The following ASIC2 variants were observed in gnomAD, a reference collection of about 807,000 sequenced individuals.
ASIC2 encodes the protein acid sensing ion channel subunit 2.
ASIC2 carries 25 observed loss-of-function variants against 57.3 expected under a neutral mutation model. The observed-to-expected ratio is 0.44, with a 90% confidence interval of 0.32 to 0.61. The LOEUF (loss-of-function observed/expected upper bound fraction) is 0.61, where lower values mean the gene tolerates loss of function less well. Among genes scored for constraint, ASIC2 ranks in the 20% least tolerant of loss-of-function variants. The pLI, the probability that ASIC2 is intolerant of heterozygous loss-of-function variation, is 0.06. For missense variants in ASIC2, 641 were observed against 738.1 expected (o/e 0.87, Z 1.52); for synonymous variants, 319 against 307.5 (o/e 1.04, Z -0.39).
intron 1 of ASIC2, among the ~76,000 whole-genome samples, chr17:34,035,517 C>A (rs1235229502): frequency 6.0e-5 from 9 of 150,768 alleles, no homozygotes; most frequent in African/African-American, 1.7e-4. Context: ...GCAACAAAAG[C>A]CAAAATTGAC....
At chr17:33,642,138 G>A (rs772065635) in intron 1 of ASIC2, among the ~76,000 whole-genome samples, 2 of 151,744 alleles carry the variant, frequency 1.3e-5, no homozygotes, top group East Asian at 1.9e-4. Flanking sequence ...CCAGGCCCAT[G>A]GCCCATAAAC....
chr17:33,782,070 T>C (rs746157214), intron 1 of ASIC2, among the ~76,000 whole-genome samples: 24 of 152,232 alleles, frequency 1.6e-4, no homozygotes, highest in Non-Finnish European at 3.5e-4. Context: ...AGAAGTTCTT[T>C]GTCTGATCGG....
chr17:33,889,670 G>A (rs928519413), intron 1 of ASIC2, among the ~76,000 whole-genome samples: 1 of 152,142 alleles, frequency 6.6e-6, no homozygotes, highest in Non-Finnish European at 1.5e-5. Context: ...GTTCACACCT[G>A]TCCTTAAAAT....
At chr17:33,146,124 G>C (rs937700688) in intron 1 of ASIC2, among the ~76,000 whole-genome samples, 10 of 152,176 alleles carry the variant, frequency 6.6e-5, no homozygotes, top group African/African-American at 2.4e-4. Context: ...TTTCATGACA[G>C]AGATGAGAAC....
chr17:34,137,754 C>T (rs1348066178), intron 1 of ASIC2, among the ~76,000 whole-genome samples: 1 of 152,130 alleles, frequency 6.6e-6, no homozygotes, highest in South Asian at 2.1e-4. Context: ...CTGGTGAAGG[C>T]TCGTTTCCTG....
chr17:34,030,400 C>T (rs143499276), intron 1 of ASIC2, among the ~76,000 whole-genome samples: 3 of 152,336 alleles, frequency 2.0e-5, no homozygotes, highest in East Asian at 1.9e-4. Flanking sequence ...TGAATAGGAA[C>T]AGCTCCGGTC....
intron 1 of ASIC2, among the ~76,000 whole-genome samples, chr17:33,916,154 T>G (rs1915579676): frequency 6.6e-6 from 1 of 152,150 alleles, no homozygotes; most frequent in African/African-American, 2.4e-5. Context: ...TCCCAACATA[T>G]GAGATTTGGT....
intron 1 of ASIC2, among the ~76,000 whole-genome samples, chr17:33,304,068 A>G (rs1334341750): frequency 6.6e-6 from 1 of 152,250 alleles, no homozygotes; most frequent in South Asian, 2.1e-4. Context: ...TAACAAATTG[A>G]AAACAAAACA....
intron 1 of ASIC2, among the ~76,000 whole-genome samples, chr17:33,968,418 T>C (rs1243897125): frequency 6.6e-6 from 1 of 152,174 alleles, no homozygotes; most frequent in Non-Finnish European, 1.5e-5. Context: ...TAAAAGCTGT[T>C]CCCATCTCTG....
intron 1 of ASIC2, among the ~76,000 whole-genome samples, chr17:33,454,864 C>T (rs1429962624): frequency 6.6e-6 from 1 of 152,188 alleles, no homozygotes; most frequent in Non-Finnish European, 1.5e-5. Flanking sequence ...CTCCCTGCAA[C>T]CTCTTTTCTA....
rs1912350177 is a variant in ASIC2 at position 34,144,125 on chromosome 17, GT to G, written c.555+11852del. On this transcript the variant is annotated intron_variant, in intron 1 of 9. Coordinates refer to the ASIC2 transcript ENST00000359872. ...AATTCTTCCACTTTTCTAAACCTCA[GT>G]TTTTTCCATACAAAAAAAAGATATG... 2.6e-5 allele frequency among the ~76,000 whole-genome samples: 4 copies of G among 152,040 alleles called. No homozygotes were observed. In the South Asian group the frequency reaches 8.3e-4, roughly 32 times the overall value.
intron 1 of ASIC2, among the ~76,000 whole-genome samples, chr17:33,357,234 C>T (rs1193081728): frequency 2.0e-5 from 3 of 152,076 alleles, no homozygotes; most frequent in Non-Finnish European, 4.4e-5. Context: ...CTGAACTCCT[C>T]ATTGTTCACA....
chr17:33,358,015 G>A (rs1300073756), intron 1 of ASIC2, among the ~76,000 whole-genome samples: 1 of 152,170 alleles, frequency 6.6e-6, no homozygotes, highest in Non-Finnish European at 1.5e-5. Flanking sequence ...ATCCCAGGTA[G>A]TTGTTATGCA....
At chr17:33,734,586 G>A (rs1183020834) in intron 1 of ASIC2, among the ~76,000 whole-genome samples, 1 of 152,172 alleles carries the variant, frequency 6.6e-6, no homozygotes, top group Non-Finnish European at 1.5e-5. Context: ...AAATGTGTAT[G>A]TTGAAGCCCT....
chr17:33,799,434 C>CTTTCTTTCTTA (rs1567719066), intron 1 of ASIC2, among the ~76,000 whole-genome samples: 10 of 31,172 alleles, frequency 3.2e-4, no homozygotes, highest in African/African-American at 1.1e-3. Context: ...TTTCTTCTTT[C>CTTTCTTTCTTA]TTTCTTTCTT....
rs56232795 is a variant in ASIC2 at position 33,758,917 on chromosome 17, CAAA to C, written c.555+397058_555+397060del. On this transcript the variant is annotated intron_variant, in intron 1 of 9. Transcript: ENST00000359872. Reference sequence around the variant, plus strand: ...TCAGCAATAGAAAGCAAGCTAATACCAAAAAAAAAAAAAAAAATGGTATTGAGA... The same window carrying C: ...TCAGCAATAGAAAGCAAGCTAATACCAAAAAAAAAAAAAATGGTATTGAGA... Among the ~76,000 whole-genome samples the C allele has an allele frequency of 7.4e-3, 1,047 of 141,834 alleles. 10 individuals carry two copies. The highest frequency in any genetic ancestry group is 0.021 in the African/African-American group (798 of 37,744). The allele number at this position is 141,834 out of a possible 152,430, so 93.0% of individuals were successfully genotyped here. A position where few individuals can be genotyped will look rare whatever the true frequency, so the allele number is the denominator to read the frequency against.
At chr17:33,689,823 A>G (rs1446633446) in intron 1 of ASIC2, among the ~76,000 whole-genome samples, 1 of 152,220 alleles carries the variant, frequency 6.6e-6, no homozygotes, top group East Asian at 1.9e-4. Flanking sequence ...GCAGAAGGCC[A>G]TGTGATAGAA....
chr17:34,018,243 G>C (rs1245721719), intron 1 of ASIC2, among the ~76,000 whole-genome samples: 1 of 152,138 alleles, frequency 6.6e-6, no homozygotes, highest in Non-Finnish European at 1.5e-5. Context: ...GAACAACAAA[G>C]CCTGGATGTC....
chr17:33,893,983 G>T (rs1915026153), intron 1 of ASIC2, among the ~76,000 whole-genome samples: 1 of 150,916 alleles, frequency 6.6e-6, no homozygotes. Flanking sequence ...TCAGCTACTT[G>T]CCCCTTGAGC....
Sources: gnomAD v4.1 joint callset for allele counts (sites outside exome capture counted in the v4.1 genomes callset) on GRCh38, gnomAD v4.1.1 for gene constraint, MANE v1.5 for transcripts, NCBI Gene and HGNC (gene_info 2026-07-23, HGNC 2026-07-21) for gene names.